The following METTL15 variants were observed in gnomAD, a reference collection of about 807,000 sequenced individuals.
METTL15 encodes the protein 12S rRNA N(4)-cytidine methyltransferase METTL15.
In METTL15, 34 loss-of-function variants were observed where a neutral mutation model predicts 38.3. The observed-to-expected ratio is 0.89, with a 90% CI of 0.68 to 1.18. METTL15 has a LOEUF of 1.18. Ranked by LOEUF, METTL15 falls within the 50% of genes most tolerant of loss-of-function variation. The pLI, the probability that METTL15 is intolerant of heterozygous loss-of-function variation, is 0.00. For missense variants in METTL15, 438 were observed against 498.4 expected, an observed-to-expected ratio of 0.88 and a Z score of 1.15; for synonymous variants, 162 against 170.9, an observed-to-expected ratio of 0.95 and a Z score of 0.41.
chr11:28,478,284 A>C (rs149494259), intron 6 of METTL15, among the ~76,000 whole-genome samples: 19 of 152,270 alleles, frequency 1.2e-4, no homozygotes, highest in Middle Eastern at 3.4e-3. Context: ...TTATGAATTC[A>C]AGCTCTGTTT....
chr11:28,372,070 C>T (rs544378035), intron 5 of METTL15, among the ~76,000 whole-genome samples: 3 of 151,906 alleles, frequency 2.0e-5, no homozygotes, highest in African/African-American at 4.8e-5. Context: ...TATTCTGGAT[C>T]TCAGTGGAAA....
At chr11:28,334,559 C>T (rs541700698), downstream of METTL15, among the ~76,000 whole-genome samples, 1 of 152,144 alleles carries the variant, frequency 6.6e-6, no homozygotes, top group Admixed American at 6.5e-5. Flanking sequence ...ATATTTTTCT[C>T]ATAACCACAA....
chr11:28,413,828 G>C (rs558517624), intron 5 of METTL15, among the ~76,000 whole-genome samples: 1 of 152,062 alleles, frequency 6.6e-6, no homozygotes, highest in African/African-American at 2.4e-5. Flanking sequence ...AAGAAAGATA[G>C]TCAAATCTCT....
chr11:28,175,454 T>C lies in METTL15; in HGVS notation c.271-35608T>C, dbSNP rs1014494160. Among the ~76,000 whole-genome samples the C allele has an allele frequency of 1.3e-3, 195 of 152,258 alleles. 1 individual carries two copies. The highest frequency in any genetic ancestry group is 4.5e-3 in the African/African-American group (186 of 41,548). On this transcript the variant is annotated intron_variant, in intron 3 of 6. Transcript: ENST00000407364. ...GCAGCATGATTTATAATCCTTAGGG[T>C]ATATACCCAGTAATGGGATTGCTGG...
chr11:28,320,828 A>AT (rs879693585), intron 6 of METTL15, among the ~76,000 whole-genome samples: 5 of 151,504 alleles, frequency 3.3e-5, no homozygotes, highest in East Asian at 1.9e-4. Flanking sequence ...TAAAACTAAC[A>AT]TTTTTTTTTA....
At chr11:28,111,680 A>C in intron 2 of METTL15, among the ~76,000 whole-genome samples, 1 of 152,196 alleles carries the variant, frequency 6.6e-6, no homozygotes, top group East Asian at 1.9e-4. Context: ...GCCTTTGGCA[A>C]ATTACTTCTC....
intron 3 of METTL15, among the ~76,000 whole-genome samples, chr11:28,138,027 A>G (rs1320498361): frequency 6.6e-6 from 1 of 152,222 alleles, no homozygotes; most frequent in Non-Finnish European, 1.5e-5. Context: ...TCTAGGGACC[A>G]GTAAACAGGT....
At chr11:28,262,978 G>A (rs1855269824) in intron 4 of METTL15, among the ~76,000 whole-genome samples, 1 of 151,946 alleles carries the variant, frequency 6.6e-6, no homozygotes, top group Non-Finnish European at 1.5e-5. Flanking sequence ...TATGAGTAGA[G>A]TACTTCAATC....
intron 5 of METTL15, among the ~76,000 whole-genome samples, chr11:28,398,190 G>T (rs1850593251): frequency 6.6e-6 from 1 of 151,842 alleles, no homozygotes; most frequent in South Asian, 2.1e-4. Flanking sequence ...TGCACGTTGT[G>T]CACATGTACC....
At chr11:28,512,460 G>T (rs1444378191) in intron 6 of METTL15, among the ~76,000 whole-genome samples, 1 of 152,202 alleles carries the variant, frequency 6.6e-6, no homozygotes, top group Non-Finnish European at 1.5e-5. Context: ...CAGGCTGCAG[G>T]TCCTGAGCCC....
At chr11:28,219,204 T>G (rs961966836) in intron 4 of METTL15, among the ~76,000 whole-genome samples, 10 of 152,170 alleles carry the variant, frequency 6.6e-5, no homozygotes, top group Admixed American at 1.3e-4. Flanking sequence ...TTTTTTTGGT[T>G]GGTAAGCTAT....
At chr11:28,319,652 A>G (rs2134043428) in intron 6 of METTL15, among the ~76,000 whole-genome samples, 1 of 152,308 alleles carries the variant, frequency 6.6e-6, no homozygotes, top group Admixed American at 6.5e-5. Flanking sequence ...AAATATGTGG[A>G]ACATGATTAA....
intron 6 of METTL15, among the ~76,000 whole-genome samples, chr11:28,298,207 G>A (rs939018997): frequency 7.2e-5 from 11 of 151,938 alleles, no homozygotes; most frequent in African/African-American, 2.2e-4. Flanking sequence ...TCCCCTGTCT[G>A]GTGTTCCTTT....
intron 3 of METTL15, among the ~76,000 whole-genome samples, chr11:28,119,859 T>C (rs974163789): frequency 2.0e-5 from 3 of 152,206 alleles, no homozygotes; most frequent in Admixed American, 1.3e-4. Flanking sequence ...TATTGGAGGC[T>C]GATGACGGGA....
At chr11:28,295,066 A>G (rs1164598014) in intron 5 of METTL15, among the ~76,000 whole-genome samples, 1 of 152,114 alleles carries the variant, frequency 6.6e-6, no homozygotes, top group African/African-American at 2.4e-5. Context: ...GAATTCACAA[A>G]TAGGTCAGTT....
chr11:28,163,515 G>A (rs1850544645), intron 3 of METTL15: 1 of 397,126 alleles, frequency 2.5e-6, no homozygotes, highest in East Asian at 3.6e-5. Context: ...CTAATAAGAT[G>A]CTTCTTCTTA....
At chr11:28,307,063 T>C (rs375791637) in intron 6 of METTL15, among the ~76,000 whole-genome samples, 6 of 152,108 alleles carry the variant, frequency 3.9e-5, no homozygotes, top group African/African-American at 1.4e-4. Flanking sequence ...TTTTAATTTA[T>C]TGTATCACTG....
At chr11:28,218,190 G>A (rs1852998414) in intron 4 of METTL15, among the ~76,000 whole-genome samples, 2 of 152,224 alleles carry the variant, frequency 1.3e-5, no homozygotes, top group African/African-American at 2.4e-5. Context: ...CTACCCATGA[G>A]CATGGAATGT....
Position 28,525,214 on chromosome 11 carries a change from G to A in METTL15, c.*425-1264G>A, listed in dbSNP as rs542966514. 1.0e-3 allele frequency among the ~76,000 whole-genome samples: 159 copies of A among 152,300 alleles called. 2 individuals are homozygous for A. The highest frequency in any genetic ancestry group is 3.4e-3 in the African/African-American group (140 of 41,566). On this transcript the variant is annotated intron_variant and NMD_transcript_variant, in intron 6 of 7. Transcript: ENST00000532947. Reference sequence around the variant, plus strand: ...CCACAGTGTGGAAGAGGACCTGAGCGGGTTGCCACTGCTGCCTCGCGCAGC... The same window carrying A: ...CCACAGTGTGGAAGAGGACCTGAGCAGGTTGCCACTGCTGCCTCGCGCAGC...
Sources: gnomAD v4.1 joint callset for allele counts (sites outside exome capture counted in the v4.1 genomes callset) on GRCh38, gnomAD v4.1.1 for gene constraint, MANE v1.5 for transcripts, NCBI Gene and HGNC (gene_info 2026-07-23, HGNC 2026-07-21) for gene names.